ZZZ3: variants seen among roughly 807,000 people sequenced by gnomAD.
The protein encoded by ZZZ3 is ZZ-type zinc finger-containing protein 3.
Under a neutral mutation model 95.2 loss-of-function variants are expected in ZZZ3, and 22 were observed. The observed-to-expected ratio is 0.23, with a 90% CI of 0.17 to 0.33. ZZZ3 has a LOEUF of 0.33. ZZZ3 is among the 10% of genes least tolerant of loss of function. The pLI is 1.00. For synonymous variants in ZZZ3, 335 were observed against 358.9 expected (o/e 0.93, Z 0.75); for missense variants, 885 against 1,066.5 (o/e 0.83, Z 2.37).
chr1:77,636,795 T>C (rs1668346895), intron 4 of ZZZ3, among the ~76,000 whole-genome samples: 1 of 151,720 alleles, frequency 6.6e-6, no homozygotes, highest in East Asian at 1.9e-4. Context: ...AAACACTGAT[T>C]AATACAAAAG....
At chr1:77,578,720 A>G in intron 11 of ZZZ3, 54 bp downstream of exon 11, 1 of 1,056,302 alleles carries the variant, frequency 9.5e-7, no homozygotes, top group South Asian at 2.1e-5. Context: ...TTACATAGCA[A>G]TTCTTACTTT....
At chr1:77,659,545 G>C (rs1415928091) in intron 1 of ZZZ3, among the ~76,000 whole-genome samples, 1 of 151,682 alleles carries the variant, frequency 6.6e-6, no homozygotes, top group African/African-American at 2.4e-5. Flanking sequence ...AAATTAGCCA[G>C]GCGTGGGGGC....
chr1:77,644,459 A>G (rs1669078152), intron 1 of ZZZ3, among the ~76,000 whole-genome samples: 1 of 152,252 alleles, frequency 6.6e-6, no homozygotes, highest in African/African-American at 2.4e-5. Context: ...AAAGAAGAGT[A>G]CATTTTCTGC....
chr1:77,587,475 A>G (rs1230645142), intron 5 of ZZZ3, among the ~76,000 whole-genome samples: 1 of 152,060 alleles, frequency 6.6e-6, no homozygotes. Context: ...CATGTTAGCC[A>G]GGATGTTCTC....
intron 11 of ZZZ3, among the ~76,000 whole-genome samples, chr1:77,577,888 G>A (rs1044816154): frequency 6.6e-6 from 1 of 152,104 alleles, no homozygotes; most frequent in African/African-American, 2.4e-5. Flanking sequence ...CAAAGTGCTG[G>A]GATTACAGGC....
At chr1:77,682,033 T>C (rs1456935812) in intron 1 of ZZZ3, among the ~76,000 whole-genome samples, 2 of 152,118 alleles carry the variant, frequency 1.3e-5, no homozygotes, top group Non-Finnish European at 2.9e-5. Context: ...ATAACTGAGT[T>C]AATAGGCACG....
intron 5 of ZZZ3, among the ~76,000 whole-genome samples, chr1:77,597,763 C>T (rs895231337): frequency 6.6e-6 from 1 of 151,926 alleles, no homozygotes. Flanking sequence ...TCCAGCCAAG[C>T]GAAGACTCAG....
chr1:77,591,626 T>C (rs953588419), intron 5 of ZZZ3, among the ~76,000 whole-genome samples: 1 of 152,212 alleles, frequency 6.6e-6, no homozygotes, highest in Non-Finnish European at 1.5e-5. Context: ...TTACAAGGCA[T>C]AAGCCAGGCC....
At chr1:77,667,760 A>ATT (rs1406521903) in intron 1 of ZZZ3, among the ~76,000 whole-genome samples, 1 of 136,980 alleles carries the variant, frequency 7.3e-6, no homozygotes, top group East Asian at 2.3e-4. Flanking sequence ...TTAAATGGGT[A>ATT]TTCTTTTTTT....
At chr1:77,635,766 C>T (rs1004042529) in intron 4 of ZZZ3, among the ~76,000 whole-genome samples, 19 of 152,050 alleles carry the variant, frequency 1.2e-4, no homozygotes, top group Admixed American at 9.8e-4. Flanking sequence ...ACTAGTAGGG[C>T]ATGGTGGCAC....
intron 1 of ZZZ3, among the ~76,000 whole-genome samples, chr1:77,649,170 A>T (rs1669572070): frequency 6.6e-6 from 1 of 152,182 alleles, no homozygotes; most frequent in Admixed American, 6.5e-5. Context: ...CAAGCACAAG[A>T]AACATGAATA....
chr1:77,593,141 T>G (rs1259480071), intron 5 of ZZZ3, among the ~76,000 whole-genome samples: 3 of 152,076 alleles, frequency 2.0e-5, no homozygotes, highest in African/African-American at 7.2e-5. Flanking sequence ...AGGCTATACC[T>G]TAGAACTAAG....
At chr1:77,588,713 CA>C (rs145698640) in intron 5 of ZZZ3, among the ~76,000 whole-genome samples, 7 of 149,150 alleles carry the variant, frequency 4.7e-5, no homozygotes, top group African/African-American at 1.5e-4. Flanking sequence ...TAGAATAACT[CA>C]AAAAAAAAAT....
At chr1:77,676,370 G>C (rs577175352) in intron 1 of ZZZ3, among the ~76,000 whole-genome samples, 1 of 152,196 alleles carries the variant, frequency 6.6e-6, no homozygotes, top group Non-Finnish European at 1.5e-5. Context: ...GTCACACTAT[G>C]TTGCCCAGAC....
intron 4 of ZZZ3, among the ~76,000 whole-genome samples, chr1:77,634,415 C>T (rs1668115465): frequency 6.6e-6 from 1 of 151,960 alleles, no homozygotes; most frequent in African/African-American, 2.4e-5. Context: ...ACTAAATAGA[C>T]AAAAATCACA....
intron 4 of ZZZ3, among the ~76,000 whole-genome samples, chr1:77,637,705 C>G (rs1473202243): frequency 6.6e-6 from 1 of 152,146 alleles, no homozygotes; most frequent in African/African-American, 2.4e-5. Context: ...AACCAAGTCT[C>G]AACATTGTTT....
intron 4 of ZZZ3, among the ~76,000 whole-genome samples, chr1:77,637,834 C>T (rs1668437725): frequency 6.6e-6 from 1 of 151,978 alleles, no homozygotes; most frequent in Non-Finnish European, 1.5e-5. Flanking sequence ...ATATTTCTGC[C>T]AAATATTGTT....
At chr1:77,605,849 A>G (rs942415765) in intron 5 of ZZZ3, among the ~76,000 whole-genome samples, 2 of 152,204 alleles carry the variant, frequency 1.3e-5, no homozygotes, top group African/African-American at 4.8e-5. Flanking sequence ...CAGGTAGTAC[A>G]TCATGGGCCT....
In ZZZ3 at chr1:77,639,523, T is replaced by C; in HGVS notation, c.-126A>G. 7.1e-7 allele frequency: 1 copy of C among 1,412,116 alleles called. No homozygotes were observed. The highest frequency in any genetic ancestry group is 9.4e-7 in the Non-Finnish European group (1 of 1,062,870). The allele number at this position is 1,412,116 out of a possible 1,614,324, so 87.5% of individuals were successfully genotyped here. On this transcript the variant is annotated 5_prime_UTR_variant, in exon 4 of 15. Transcript: ENST00000370801. ...TATCCTGAAGGAGTTGGAGCTATGA[T>C]CTAGAATGGAGCTTAAGCATCAGGG...
Sources: allele counts gnomAD v4.1 joint callset (sites outside exome capture counted in the v4.1 genomes callset), GRCh38; gene constraint gnomAD v4.1.1; transcripts MANE v1.5; gene names NCBI Gene and HGNC (gene_info 2026-07-23, HGNC 2026-07-21).